Variants in CELF1 observed in about 807,000 individuals in gnomAD.
CELF1 encodes CUGBP Elav-like family member 1.
CELF1 carries 10 observed loss-of-function variants against 61.8 expected under a neutral mutation model. That is an observed-to-expected ratio of 0.16 (90% CI 0.10 to 0.27). CELF1 has a LOEUF of 0.27. Among genes scored for constraint, CELF1 ranks in the 10% least tolerant of loss-of-function variants. The pLI is 1.00. For missense variants in CELF1, 380 were observed against 639.1 expected (o/e 0.59, Z 4.37); for synonymous variants, 236 against 225.1 (o/e 1.05, Z -0.43).
At chr11:47,555,514 T>G (rs909149911), upstream of CELF1, among the ~76,000 whole-genome samples, 5 of 152,128 alleles carry the variant, frequency 3.3e-5, no homozygotes, top group African/African-American at 1.2e-4. Context: ...GGCCACAGAC[T>G]GTTAGCCCAA....
intron 1 of CELF1, among the ~76,000 whole-genome samples, chr11:47,530,774 G>A (rs1054462468): frequency 2.6e-5 from 4 of 152,102 alleles, no homozygotes; most frequent in Non-Finnish European, 5.9e-5. Flanking sequence ...GGGCAACACA[G>A]GGGGACCCTG....
intron 1 of CELF1, among the ~76,000 whole-genome samples, chr11:47,544,987 A>G (rs1409105067): frequency 6.6e-6 from 1 of 152,118 alleles, no homozygotes; most frequent in Non-Finnish European, 1.5e-5. Context: ...AAAAAAATCA[A>G]GAATCAAAGA....
rs1325953759 is a variant in CELF1 at position 47,533,634 on chromosome 11, A to AC, written c.-154+19357_-154+19358insG. ...CGAGACTCCATTTCAAAAAATAAAT[A>AC]AATACATACATACATACATACATAA... On this transcript the variant is annotated intron_variant, in intron 1 of 14. Transcript: ENST00000687097. 4.9e-3 allele frequency among the ~76,000 whole-genome samples: 534 copies of AC among 109,596 alleles called. 4 individuals are homozygous for AC. The highest frequency in any genetic ancestry group is 0.015 in the African/African-American group (371 of 25,078). 71.9% of individuals were successfully genotyped at this position (109,596 alleles called of 152,430 possible).
At chr11:47,551,351 G>A (rs1305384676) in intron 1 of CELF1, among the ~76,000 whole-genome samples, 3 of 152,192 alleles carry the variant, frequency 2.0e-5, no homozygotes, top group East Asian at 1.9e-4. Flanking sequence ...CCTGGTTAAA[G>A]CAACAACTGA....
In CELF1 at chr11:47,487,251, A is replaced by G. The variant is rs1057193463; in HGVS notation, c.260-10T>C. 5 of 1,599,660 alleles carry G rather than the reference A, an allele frequency of 3.1e-6. No individual in the cohort carries two copies. The highest frequency in any genetic ancestry group is 2.2e-5 in the East Asian group (1 of 44,800). On this transcript the variant is annotated splice_polypyrimidine_tract_variant and intron_variant, in intron 4 of 14. Transcript: ENST00000687097. ...GTAACAAAACAGCACCCTGCAATAA[A>G]TAAGATTTCATAAAATCAAACTTTG...
upstream of CELF1, chr11:47,553,238 G>A (rs901815709): frequency 1.0e-5 from 4 of 383,706 alleles, no homozygotes; most frequent in African/African-American, 2.1e-5. Context: ...CCGCAGCGCC[G>A]ATGCGAGCGG....
At chr11:47,507,165 G>GT (rs1286219975) in intron 1 of CELF1, among the ~76,000 whole-genome samples, 1 of 152,124 alleles carries the variant, frequency 6.6e-6, no homozygotes, top group East Asian at 1.9e-4. Context: ...CTAAAATGTC[G>GT]TAACAAATAG....
chr11:47,498,990 T>C (rs745488000), intron 3 of CELF1, among the ~76,000 whole-genome samples: 1 of 152,188 alleles, frequency 6.6e-6, no homozygotes, highest in Non-Finnish European at 1.5e-5. Context: ...CAGAATGTTG[T>C]AGATGATACT....
upstream of CELF1, among the ~76,000 whole-genome samples, chr11:47,555,524 A>G (rs933070565): frequency 6.6e-6 from 1 of 152,148 alleles, no homozygotes; most frequent in African/African-American, 2.4e-5. Context: ...TGTTAGCCCA[A>G]GGTTGGGGGG....
chr11:47,485,438 T>A (rs963311691), intron 6 of CELF1, among the ~76,000 whole-genome samples: 1 of 152,226 alleles, frequency 6.6e-6, no homozygotes, highest in Admixed American at 6.5e-5. Context: ...CTTAAAGTGC[T>A]GTGATTACAG....
chr11:47,520,573 C>T (rs1052020789), intron 1 of CELF1, among the ~76,000 whole-genome samples: 4 of 152,042 alleles, frequency 2.6e-5, no homozygotes, highest in African/African-American at 7.2e-5. Flanking sequence ...TTTGGGAAGC[C>T]GAGGTGGGCA....
chr11:47,476,788 T>G (rs1310342977), intron 12 of CELF1, 58 bp downstream of exon 12: 12 of 1,342,552 alleles, frequency 8.9e-6, no homozygotes, highest in African/African-American at 2.9e-5. Flanking sequence ...CCTACCAGGG[T>G]TAAGATGTGC....
At chr11:47,542,741 G>A (rs181678818) in intron 1 of CELF1, among the ~76,000 whole-genome samples, 17 of 150,852 alleles carry the variant, frequency 1.1e-4, no homozygotes, top group African/African-American at 4.0e-4. Context: ...CACGTGATCC[G>A]CGTGTCTTGG....
chr11:47,498,923 T>C (rs1227819263), intron 3 of CELF1, among the ~76,000 whole-genome samples: 1 of 151,328 alleles, frequency 6.6e-6, no homozygotes, highest in African/African-American at 2.4e-5. Flanking sequence ...TATTTTCAAT[T>C]AGACTCGGCG....
At chr11:47,478,809 C>G in intron 10 of CELF1, 68 bp downstream of exon 10, 1 of 1,296,546 alleles carries the variant, frequency 7.7e-7, no homozygotes, top group Admixed American at 1.9e-5. Flanking sequence ...GCCAAACTCC[C>G]AAGACTGTTG....
intron 1 of CELF1, among the ~76,000 whole-genome samples, chr11:47,507,311 C>T (rs920904400): frequency 1.3e-5 from 2 of 152,086 alleles, no homozygotes; most frequent in African/African-American, 4.8e-5. Flanking sequence ...AATTAAGGAT[C>T]GTGTTATTCA....
chr11:47,475,048 T>A (rs766273282), intron 13 of CELF1, among the ~76,000 whole-genome samples: 13 of 152,214 alleles, frequency 8.5e-5, no homozygotes, highest in Non-Finnish European at 1.3e-4. Flanking sequence ...ACAGAAACAT[T>A]CTTGTCAAAT....
chr11:47,547,943 A>T (rs1232615732), intron 1 of CELF1, among the ~76,000 whole-genome samples: 1 of 152,146 alleles, frequency 6.6e-6, no homozygotes, highest in Non-Finnish European at 1.5e-5. Context: ...CATTTTGGAA[A>T]GATCACAGTG....
chr11:47,543,905 T>C (rs2096870328), intron 1 of CELF1, among the ~76,000 whole-genome samples: 1 of 152,240 alleles, frequency 6.6e-6, no homozygotes, highest in African/African-American at 2.4e-5. Flanking sequence ...AACTTGTCAC[T>C]TGAAACTACG....
Sources: gnomAD v4.1 joint callset for allele counts (sites outside exome capture counted in the v4.1 genomes callset) on GRCh38, gnomAD v4.1.1 for gene constraint, MANE v1.5 for transcripts, NCBI Gene and HGNC (gene_info 2026-07-23, HGNC 2026-07-21) for gene names.